VAT1L: variants seen among roughly 807,000 people sequenced by gnomAD.
VAT1L encodes the protein putative NADPH-dependent quinone oxidoreductase VAT1L.
A neutral mutation model predicts 44.1 loss-of-function variants in VAT1L; 34 were observed. The observed-to-expected ratio is 0.77, with a 90% CI of 0.59 to 1.03. VAT1L has a LOEUF of 1.03. Ranked by LOEUF, VAT1L falls within the 50% of genes least tolerant of loss-of-function variation. The pLI is 0.00. For missense variants in VAT1L, 615 were observed against 538.8 expected (o/e 1.14, Z -1.40); for synonymous variants, 253 against 202.2 (o/e 1.25, Z -2.13).
At chr16:77,882,038 G>A (rs1172841592) in intron 6 of VAT1L, 2 of 152,220 alleles carry the variant, frequency 1.3e-5, no homozygotes, top group African/African-American at 4.8e-5. Flanking sequence ...CAAAGCAGGG[G>A]TTCCTATTTC....
chr16:77,876,742 G>C (rs978748051), intron 5 of VAT1L, among the ~76,000 whole-genome samples: 2 of 152,174 alleles, frequency 1.3e-5, no homozygotes, highest in Non-Finnish European at 2.9e-5. Flanking sequence ...GAACCACTAA[G>C]GGACATCACC....
intron 7 of VAT1L, among the ~76,000 whole-genome samples, chr16:77,950,075 TA>T (rs1196466735): frequency 1.3e-5 from 2 of 152,174 alleles, no homozygotes; most frequent in African/African-American, 4.8e-5. Flanking sequence ...AATAACTTAT[TA>T]TCCAATGAAC....
intron 2 of VAT1L, among the ~76,000 whole-genome samples, chr16:77,822,161 T>TTTC (rs1411014101): frequency 2.6e-5 from 4 of 152,076 alleles, no homozygotes; most frequent in Non-Finnish European, 4.4e-5. Flanking sequence ...AGAGACGGAG[T>TTTC]TTCGCTCTTG....
intron 7 of VAT1L, among the ~76,000 whole-genome samples, chr16:77,958,782 T>A (rs1415348447): frequency 6.6e-6 from 1 of 152,192 alleles, no homozygotes; most frequent in Non-Finnish European, 1.5e-5. Context: ...AGTTGCTCCA[T>A]CCAGATTACA....
intron 3 of VAT1L, among the ~76,000 whole-genome samples, chr16:77,852,217 G>A (rs2016815128): frequency 6.6e-6 from 1 of 152,214 alleles, no homozygotes; most frequent in South Asian, 2.1e-4. Flanking sequence ...CTCTCAGCTA[G>A]AGCAGAGGAG....
chr16:77,905,267 G>A (rs1004209005), intron 7 of VAT1L, among the ~76,000 whole-genome samples: 2 of 152,166 alleles, frequency 1.3e-5, no homozygotes, highest in Admixed American at 6.5e-5. Context: ...TTGTTGGCAT[G>A]GCTTGATTTT....
intron 7 of VAT1L, among the ~76,000 whole-genome samples, chr16:77,952,631 G>C (rs908888670): frequency 6.6e-6 from 1 of 151,976 alleles, no homozygotes; most frequent in Non-Finnish European, 1.5e-5. Flanking sequence ...GGCCGAAGTG[G>C]GCAGATCCCG....
chr16:77,862,274 A>G (rs1015529540), intron 3 of VAT1L, among the ~76,000 whole-genome samples: 9 of 152,182 alleles, frequency 5.9e-5, no homozygotes, highest in East Asian at 1.9e-4. Flanking sequence ...AGGGCTAAAC[A>G]TCTGACAATG....
At chr16:77,800,285 G>C (rs1488939206) in intron 1 of VAT1L, 2 of 152,042 alleles carry the variant, frequency 1.3e-5, no homozygotes, top group African/African-American at 4.8e-5. Flanking sequence ...TGGCTTCATC[G>C]AGTGCCGCAG....
Position 77,927,660 on chromosome 16 carries a change from G to C in VAT1L, c.1077+42858G>C, listed in dbSNP as rs569805123. Among the ~76,000 whole-genome samples the C allele has an allele frequency of 2.9e-3, 446 of 152,082 alleles. 6 individuals are homozygous for C. Among genetic ancestry groups the C allele is most frequent in the African/African-American group, 0.01 (424 of 41,478 alleles). Reference sequence around the variant, plus strand: ...TGGGAGGCTGAGGTGGGCGGATCATGAGGTCAGGAGTTCGAGACCATCCTG... The same window carrying C: ...TGGGAGGCTGAGGTGGGCGGATCATCAGGTCAGGAGTTCGAGACCATCCTG... On this transcript the variant is annotated intron_variant, in intron 7 of 8. Coordinates refer to ENST00000302536, the MANE Select transcript of VAT1L (RefSeq NM_020927.3).
chr16:77,849,199 A>C (rs2016785241), intron 3 of VAT1L, among the ~76,000 whole-genome samples: 1 of 152,230 alleles, frequency 6.6e-6, no homozygotes, highest in Non-Finnish European at 1.5e-5. Context: ...TAACAAAAAA[A>C]AGTAGGTGCA....
At chr16:77,876,898 C>G (rs1488726897) in intron 5 of VAT1L, among the ~76,000 whole-genome samples, 1 of 152,168 alleles carries the variant, frequency 6.6e-6, no homozygotes, top group Non-Finnish European at 1.5e-5. Flanking sequence ...TGAGAAGTTG[C>G]AAAGTACACA....
chr16:77,883,063 T>C (rs1169957812), intron 6 of VAT1L, among the ~76,000 whole-genome samples: 1 of 152,184 alleles, frequency 6.6e-6, no homozygotes. Context: ...ATGCTTATTC[T>C]CCTAGTGACA....
intron 4 of VAT1L, among the ~76,000 whole-genome samples, chr16:77,871,526 C>G (rs902618399): frequency 6.6e-6 from 1 of 152,078 alleles, no homozygotes; most frequent in Non-Finnish European, 1.5e-5. Context: ...CCTATGAAAC[C>G]CTAATTCACC....
At chr16:77,812,559 T>C (rs989333668) in intron 1 of VAT1L, among the ~76,000 whole-genome samples, 8 of 152,222 alleles carry the variant, frequency 5.3e-5, no homozygotes, top group Non-Finnish European at 8.8e-5. Flanking sequence ...TGAGGCTCAA[T>C]GTTCACATCT....
chr16:77,882,913 A>G (rs767937457), intron 6 of VAT1L, among the ~76,000 whole-genome samples: 7 of 152,190 alleles, frequency 4.6e-5, no homozygotes, highest in African/African-American at 9.7e-5. Flanking sequence ...AACCCTTGCC[A>G]GGTAAGACCA....
intron 3 of VAT1L, among the ~76,000 whole-genome samples, chr16:77,851,058 C>T (rs1753420817): frequency 6.6e-6 from 1 of 152,148 alleles, no homozygotes; most frequent in South Asian, 2.1e-4. Context: ...TTGCCATGTG[C>T]GGTTGGACAG....
chr16:77,958,950 T>C (rs1040250622), intron 7 of VAT1L, among the ~76,000 whole-genome samples: 2 of 152,220 alleles, frequency 1.3e-5, no homozygotes, highest in African/African-American at 4.8e-5. Context: ...GCTGGTTGAA[T>C]GTTTCTCCCA....
intron 4 of VAT1L, among the ~76,000 whole-genome samples, chr16:77,863,257 A>G (rs1461416646): frequency 6.6e-6 from 1 of 152,196 alleles, no homozygotes; most frequent in Non-Finnish European, 1.5e-5. Flanking sequence ...TTTTCATCTT[A>G]TGGTTCCACT....
Sources: gnomAD v4.1 joint callset for allele counts (sites outside exome capture counted in the v4.1 genomes callset) on GRCh38, gnomAD v4.1.1 for gene constraint, MANE v1.5 for transcripts, NCBI Gene and HGNC (gene_info 2026-07-23, HGNC 2026-07-21) for gene names.